GFRA2: variants seen among roughly 807,000 people sequenced by gnomAD.
GFRA2 encodes GDNF family receptor alpha-2.
In GFRA2, 17 loss-of-function variants were observed where a neutral mutation model predicts 48.3. The observed-to-expected ratio is 0.35, with a 90% confidence interval of 0.24 to 0.53. The LOEUF (loss-of-function observed/expected upper bound fraction) is 0.53. Ranked by LOEUF, GFRA2 falls within the 20% of genes least tolerant of loss-of-function variation. The pLI, the probability that GFRA2 is intolerant of heterozygous loss-of-function variation, is 0.93. For missense variants in GFRA2, 660 were observed against 637.3 expected, an observed-to-expected ratio of 1.04 and a Z score of -0.38; for synonymous variants, 305 against 257.2, an observed-to-expected ratio of 1.19 and a Z score of -1.78.
chr8:21,794,741 T>A (rs1227119158), intron 2 of GFRA2, among the ~76,000 whole-genome samples: 1 of 152,044 alleles, frequency 6.6e-6, no homozygotes, highest in African/African-American at 2.4e-5. Flanking sequence ...TACTGGCAAG[T>A]TGACCCCTCG....
At chr8:21,693,437 G>C in intron 8 of GFRA2, 37 bp from the exon 9 acceptor site, 2 of 1,570,774 alleles carry the variant, frequency 1.3e-6, no homozygotes, top group Non-Finnish European at 1.7e-6. Flanking sequence ...GGAACAAAGA[G>C]AATGAAAACA....
chr8:21,717,128 C>T (rs1803374954), intron 4 of GFRA2, among the ~76,000 whole-genome samples: 1 of 152,228 alleles, frequency 6.6e-6, no homozygotes, highest in Admixed American at 6.5e-5. Flanking sequence ...TTCTTTCTCC[C>T]AAGTTATACA....
At chr8:21,711,594 G>A (rs1255806091) in intron 4 of GFRA2, among the ~76,000 whole-genome samples, 1 of 152,072 alleles carries the variant, frequency 6.6e-6, no homozygotes, top group Non-Finnish European at 1.5e-5. Context: ...CGAAGAACGT[G>A]TAGGTTCATT....
intron 3 of GFRA2, among the ~76,000 whole-genome samples, chr8:21,774,439 G>A (rs375828587): frequency 0.035 from 5,298 of 152,226 alleles, 143 homozygotes; most frequent in Non-Finnish European, 0.045. Flanking sequence ...TCAAGAGAGA[G>A]GGAAAACCCA....
rs750997748 is a variant in GFRA2, at chr8:21,750,801, C to G, written c.581G>C (p.Arg194Pro). The change falls in exon 4 of 9, where the codon CGC becomes CCC. Residue 194 changes from arginine (R) to proline (P), a missense_variant. By Grantham distance (103) the Arg-to-Pro change is moderately radical. Transcript: ENST00000524240. The surrounding 1 kb of genome is among the most constrained non-coding windows in gnomAD (Gnocchi z 5.7). ...CTTGTGGCACTTGCGGCGGTTGCAG[C>G]GCTCGGTGGGCGAGATCTCGCGGTT... ...ICNREISPTE[R>P]CNRRKCHKAL... 2.5e-6 allele frequency: 4 copies of G among 1,613,882 alleles called. No homozygotes were observed. The African/African-American group carries it at 5.3e-5, about 22-fold the overall frequency.
intron 3 of GFRA2, among the ~76,000 whole-genome samples, chr8:21,757,998 A>G (rs1393232580): frequency 6.6e-6 from 1 of 152,158 alleles, no homozygotes. Context: ...GTGGTGTGCA[A>G]TGCACTCGGA....
intron 4 of GFRA2, among the ~76,000 whole-genome samples, chr8:21,712,157 C>G (rs1309345603): frequency 6.6e-6 from 1 of 151,800 alleles, no homozygotes; most frequent in African/African-American, 2.4e-5. Flanking sequence ...TCCACAAAAC[C>G]GCCATTGTCA....
At chr8:21,731,143 C>A (rs1585267221) in intron 4 of GFRA2, among the ~76,000 whole-genome samples, 1 of 152,266 alleles carries the variant, frequency 6.6e-6, no homozygotes, top group East Asian at 1.9e-4. Context: ...GTCACCACCA[C>A]CAACTCCCCC....
At chr8:21,734,736 C>T (rs1317522471) in intron 4 of GFRA2, among the ~76,000 whole-genome samples, 2 of 152,250 alleles carry the variant, frequency 1.3e-5, no homozygotes, top group African/African-American at 4.8e-5. Context: ...TGACACTGGG[C>T]AAATAATTTT....
intron 4 of GFRA2, among the ~76,000 whole-genome samples, chr8:21,710,597 G>A (rs1253661720): frequency 6.6e-6 from 1 of 152,154 alleles, no homozygotes; most frequent in African/African-American, 2.4e-5. Flanking sequence ...TCAAAGCAGG[G>A]CAAGGCACTC....
chr8:21,750,929 G>T lies in GFRA2; in HGVS notation c.453C>A (p.Asp151Glu), dbSNP rs1196176591. 3 of 1,611,434 alleles carry T rather than the reference G, an allele frequency of 1.9e-6. No homozygotes were observed. The highest frequency in any genetic ancestry group is 3.3e-5 in the Admixed American group (2 of 59,860). The part of the protein sequence containing the change: ...LASIFSGTGA[D>E]PVVSAKSNHC... Reference sequence around the variant, plus strand: ...GGTTGCTCTTGGCGCTGACCACCGGGTCTGCCCCTGTCCCTGGAGGAGGAA... The same window carrying T: ...GGTTGCTCTTGGCGCTGACCACCGGTTCTGCCCCTGTCCCTGGAGGAGGAA... Residue 151 changes from aspartate (D) to glutamate (E), a missense_variant, in exon 4 of 9, where the codon GAC becomes GAA. Physicochemically the swap from Asp to Glu is conservative, Grantham distance 45 (BLOSUM62 2). Coordinates refer to ENST00000524240, the MANE Select transcript of GFRA2 (RefSeq NM_001495.5). This position sits in a 1 kb window ranked among gnomAD's most constrained non-coding sequence, Gnocchi z 5.7.
chr8:21,698,983 A>G (rs1169037378), intron 7 of GFRA2, among the ~76,000 whole-genome samples: 1 of 151,152 alleles, frequency 6.6e-6, no homozygotes, highest in Non-Finnish European at 1.5e-5. Context: ...CAGTCAACGC[A>G]CTCTCTCCCT....
At chr8:21,696,529 C>T (rs890973237) in intron 7 of GFRA2, among the ~76,000 whole-genome samples, 2 of 152,110 alleles carry the variant, frequency 1.3e-5, no homozygotes, top group Admixed American at 1.3e-4. Flanking sequence ...TCAGGGGAGC[C>T]CCGGACCTAG....
chr8:21,772,604 A>C (rs1806488779), intron 3 of GFRA2, among the ~76,000 whole-genome samples: 1 of 152,118 alleles, frequency 6.6e-6, no homozygotes, highest in South Asian at 2.1e-4. Flanking sequence ...AGAGGCAATG[A>C]GGAGGGACCG....
chr8:21,733,590 C>T (rs900814652), intron 4 of GFRA2, among the ~76,000 whole-genome samples: 2 of 152,120 alleles, frequency 1.3e-5, no homozygotes, highest in East Asian at 1.9e-4. Flanking sequence ...TATCCCAGGC[C>T]GAATAGGACC....
At chr8:21,705,194 AAC>A in intron 5 of GFRA2, 69 bp from the exon 6 acceptor site, 3 of 1,509,826 alleles carry the variant, frequency 2.0e-6, no homozygotes, top group Non-Finnish European at 1.8e-6. Context: ...CCCACAGACC[AAC>A]CCCAGGCACA....
intron 1 of GFRA2, among the ~76,000 whole-genome samples, chr8:21,784,057 T>A (rs372725218): frequency 6.6e-6 from 1 of 151,832 alleles, no homozygotes; most frequent in African/African-American, 2.4e-5. Context: ...AATGGAACCT[T>A]GCTCCTCCAC....
intron 4 of GFRA2, among the ~76,000 whole-genome samples, chr8:21,734,334 C>T (rs1467402609): frequency 6.6e-6 from 1 of 152,254 alleles, no homozygotes; most frequent in Non-Finnish European, 1.5e-5. Context: ...AGCACCCAGC[C>T]TTCCTTGCCA....
rs1585338055 is a variant in GFRA2 at position 21,782,829 on chromosome 8, T to C, written c.111A>G (p.Pro37=). Residue 37 remains proline, a synonymous_variant, in exon 2 of 9, where the codon CCA becomes CCG. Coordinates refer to ENST00000524240, the MANE Select transcript of GFRA2 (RefSeq NM_001495.5). ...QGPELHGWRP[P]VDCVRANELC... is the part of the protein sequence containing the mutation. ...GCTCATTGGCCCGGACACAGTCCACTGGGGGGCGCCAGCCGTGGAGCTCGG... is the reference window on the plus strand; with the variant it reads ...GCTCATTGGCCCGGACACAGTCCACCGGGGGGCGCCAGCCGTGGAGCTCGG... 3.2e-6 allele frequency: 5 copies of C among 1,571,750 alleles called. No individual in the cohort carries two copies. In the African/African-American group the frequency reaches 5.4e-5, roughly 17 times the overall value.
Sources: gnomAD v4.1 joint callset for allele counts (sites outside exome capture counted in the v4.1 genomes callset) on GRCh38, gnomAD v4.1.1 for gene constraint, Gnocchi (gnomAD v3.1) non-coding constraint, MANE v1.5 for transcripts, NCBI Gene and HGNC (gene_info 2026-07-23, HGNC 2026-07-21) for gene names.